CENPP: variants seen among roughly 807,000 people sequenced by gnomAD.
CENPP encodes the protein centromere protein P.
A neutral mutation model predicts 35.6 loss-of-function variants in CENPP; 24 were observed. The observed-to-expected ratio is 0.67, with a 90% CI of 0.49 to 0.95. The LOEUF is 0.95. Among genes scored for constraint, CENPP ranks in the 40% least tolerant of loss-of-function variants. The pLI, the probability that CENPP is intolerant of heterozygous loss-of-function variation, is 0.00. For missense variants in CENPP, 332 were observed against 345.3 expected (o/e 0.96, Z 0.31); for synonymous variants, 120 against 125.5 (o/e 0.96, Z 0.29).
At chr9:92,470,864 A>T in intron 5 of CENPP, 2 of 852,608 alleles carry the variant, frequency 2.3e-6, no homozygotes, top group South Asian at 3.4e-5. Flanking sequence ...TACATTTTTT[A>T]AAACCCATGA....
intron 5 of CENPP, among the ~76,000 whole-genome samples, chr9:92,550,315 G>C (rs1849561669): frequency 6.6e-6 from 1 of 151,758 alleles, no homozygotes; most frequent in Admixed American, 6.6e-5. Flanking sequence ...AGAGTCACTT[G>C]AACCCAGGAG....
intron 5 of CENPP, among the ~76,000 whole-genome samples, chr9:92,604,582 T>G (rs1851020085): frequency 6.6e-6 from 1 of 152,142 alleles, no homozygotes; most frequent in Non-Finnish European, 1.5e-5. Flanking sequence ...GGTCACTGCT[T>G]TTTTATTTAG....
In CENPP at chr9:92,579,351, G is replaced by A. The variant is rs879473424; in HGVS notation, c.565-31963G>A. Among the ~76,000 whole-genome samples, 739 of 148,134 alleles carry A rather than the reference G, an allele frequency of 5.0e-3. 6 individuals carry two copies. The highest frequency in any genetic ancestry group is 0.011 in the Admixed American group (164 of 14,818). ...AATTCTGTGAAGAAAGTCATTGGTA[G>A]CTTGATGGGGATGGCATTGAATCTA... On this transcript the variant is annotated intron_variant, in intron 5 of 7. Coordinates refer to ENST00000375587, the MANE Select transcript of CENPP (RefSeq NM_001012267.3).
chr9:92,546,101 A>G (rs1186884074), intron 5 of CENPP, among the ~76,000 whole-genome samples: 1 of 152,148 alleles, frequency 6.6e-6, no homozygotes, highest in East Asian at 1.9e-4. Flanking sequence ...TTGTGAATGC[A>G]CCAATCAGTG....
Position 92,616,227 on chromosome 9 carries a change from C to T in CENPP, c.*3078C>T, listed in dbSNP as rs528174737. On this transcript the variant is annotated 3_prime_UTR_variant, in exon 8 of 8. Coordinates refer to ENST00000375587, the MANE Select transcript of CENPP (RefSeq NM_001012267.3). ...TAAAAGAGAAGTGAATGGCCTCACA[C>T]CCCAGCTCACAAAGAGCACTCGTTC... The T allele has an allele frequency of 8.8e-6, 5 of 569,320 alleles. No homozygotes were observed. Among genetic ancestry groups the T allele is most frequent in the Non-Finnish European group, 1.6e-5 (5 of 318,518 alleles). 35.3% of individuals were successfully genotyped at this position (569,320 alleles called of 1,614,324 possible). A position where few individuals can be genotyped will look rare whatever the true frequency, so the allele number is the denominator to read the frequency against.
At chr9:92,460,388 G>T (rs2131043576) in intron 5 of CENPP, 1 of 802,424 alleles carries the variant, frequency 1.2e-6, no homozygotes, top group Non-Finnish European at 2.0e-6. Context: ...ACAGCAACTG[G>T]CTAAACAGAC....
intron 5 of CENPP, among the ~76,000 whole-genome samples, chr9:92,402,734 G>T (rs1284570567): frequency 6.6e-6 from 1 of 152,124 alleles, no homozygotes; most frequent in South Asian, 2.1e-4. Flanking sequence ...TCAGTTTTTG[G>T]TACTGTATGT....
At chr9:92,504,968 C>T (rs959904498) in intron 5 of CENPP, among the ~76,000 whole-genome samples, 1 of 152,182 alleles carries the variant, frequency 6.6e-6, no homozygotes, top group Admixed American at 6.5e-5. Flanking sequence ...GATAATGAAG[C>T]AAGGCTGGGG....
chr9:92,501,807 AATCCCAG>A (rs1846696741), intron 5 of CENPP, among the ~76,000 whole-genome samples: 1 of 152,134 alleles, frequency 6.6e-6, no homozygotes, highest in African/African-American at 2.4e-5. Flanking sequence ...CAGGACACGC[AATCCCAG>A]ATCCCAGTTG....
chr9:92,610,448 AC>A (rs1851207078), intron 5 of CENPP: 1 of 152,286 alleles, frequency 6.6e-6, no homozygotes, highest in South Asian at 2.1e-4. Context: ...CAGTAAGCAA[AC>A]TGTGTTGTGG....
At chr9:92,532,593 C>T (rs1848866046) in intron 5 of CENPP, among the ~76,000 whole-genome samples, 1 of 152,124 alleles carries the variant, frequency 6.6e-6, no homozygotes. Context: ...TTCATTGATA[C>T]TCTCTTCATC....
chr9:92,618,561 T>C lies in CENPP; in HGVS notation c.*5412T>C, dbSNP rs1315986456. 1 of 456,490 alleles carries C rather than the reference T, an allele frequency of 2.2e-6. No homozygotes were observed. 28.3% of individuals were successfully genotyped at this position (456,490 alleles called of 1,614,324 possible). A position where few individuals can be genotyped will look rare whatever the true frequency, so the allele number is the denominator to read the frequency against. ...TGCTGAACAGTGGTATCTTCGTGGG[T>C]TTTCTCTCATCGAACACCACCAGCT... On this transcript the variant is annotated 3_prime_UTR_variant, in exon 8 of 8. Coordinates refer to ENST00000375587, the MANE Select transcript of CENPP (RefSeq NM_001012267.3).
chr9:92,610,440 G>A (rs778480006), intron 5 of CENPP: 3 of 152,224 alleles, frequency 2.0e-5, no homozygotes, highest in Non-Finnish European at 4.4e-5. Flanking sequence ...TCAGGTTCCA[G>A]TAAGCAAACT....
At chr9:92,333,474 T>C (rs1840821047) in intron 2 of CENPP, among the ~76,000 whole-genome samples, 1 of 152,230 alleles carries the variant, frequency 6.6e-6, no homozygotes, top group South Asian at 2.1e-4. Flanking sequence ...ACAAAGCTAA[T>C]GTGGTTTGAA....
chr9:92,493,161 A>G (rs1162251029), intron 5 of CENPP, among the ~76,000 whole-genome samples: 3 of 152,218 alleles, frequency 2.0e-5, no homozygotes, highest in African/African-American at 7.2e-5. Context: ...GTTGATTGTA[A>G]GAAGAAAAGG....
intron 5 of CENPP, among the ~76,000 whole-genome samples, chr9:92,582,665 C>G (rs975091676): frequency 6.6e-6 from 1 of 151,044 alleles, no homozygotes; most frequent in African/African-American, 2.4e-5. Context: ...TTCCATATTC[C>G]TCATTGTCAC....
intron 5 of CENPP, among the ~76,000 whole-genome samples, chr9:92,550,685 A>G (rs1849569653): frequency 1.3e-5 from 2 of 152,178 alleles, no homozygotes; most frequent in Non-Finnish European, 2.9e-5. Context: ...GAAGTTTCAC[A>G]TATGATATTC....
intron 4 of CENPP, among the ~76,000 whole-genome samples, chr9:92,377,208 G>T (rs922572420): frequency 1.3e-5 from 2 of 152,094 alleles, no homozygotes; most frequent in Non-Finnish European, 2.9e-5. Context: ...TGATTTGGGG[G>T]CTGCTTTTTA....
chr9:92,532,015 G>GGTT (rs1848796284), intron 5 of CENPP, among the ~76,000 whole-genome samples: 4 of 95,736 alleles, frequency 4.2e-5, no homozygotes, highest in Non-Finnish European at 1.9e-5. Context: ...TTTATTTAAT[G>GGTT]TTTTTTTTTT....
Sources: allele counts gnomAD v4.1 joint callset (sites outside exome capture counted in the v4.1 genomes callset), GRCh38; gene constraint gnomAD v4.1.1; transcripts MANE v1.5; gene names NCBI Gene and HGNC (gene_info 2026-07-23, HGNC 2026-07-21).